PLCB1: variants seen among roughly 807,000 people sequenced by gnomAD.
PLCB1 encodes the protein 1-phosphatidylinositol 4,5-bisphosphate phosphodiesterase beta-1.
Under a neutral mutation model 161.8 loss-of-function variants are expected in PLCB1, and 46 were observed. The ratio of observed to expected loss-of-function variants is 0.28; its 90% CI spans 0.22 to 0.36. The LOEUF (loss-of-function observed/expected upper bound fraction) is 0.36, where lower values mean the gene tolerates loss of function less well. Ranked by LOEUF, PLCB1 falls within the 10% of genes least tolerant of loss-of-function variation. The probability of loss-of-function intolerance (pLI) is 1.00; values close to 1 mark genes in which losing one functional copy is unlikely to be tolerated. For missense variants in PLCB1, 1,016 were observed against 1,472.5 expected (o/e 0.69, Z 5.07); for synonymous variants, 517 against 503.7 (o/e 1.03, Z -0.35).
chr20:8,864,049 T>C (rs1049721437), intron 31 of PLCB1, among the ~76,000 whole-genome samples: 1 of 152,250 alleles, frequency 6.6e-6, no homozygotes, highest in African/African-American at 2.4e-5. Context: ...GTTTTATTTT[T>C]CTTGGCATAC....
intron 6 of PLCB1, among the ~76,000 whole-genome samples, chr20:8,648,591 A>T (rs1989229443): frequency 1.3e-5 from 2 of 152,182 alleles, no homozygotes; most frequent in Admixed American, 1.3e-4. Context: ...TCTAGGTCAT[A>T]TCCAGCCAAA....
intron 3 of PLCB1, among the ~76,000 whole-genome samples, chr20:8,466,060 A>C (rs1167393243): frequency 6.9e-6 from 1 of 144,880 alleles, no homozygotes; most frequent in East Asian, 2.0e-4. Context: ...AATAGCAAAG[A>C]CTTGGAACCA....
At chr20:8,304,734 G>A (rs149697997) in intron 2 of PLCB1, among the ~76,000 whole-genome samples, 73 of 152,052 alleles carry the variant, frequency 4.8e-4, no homozygotes, top group Non-Finnish European at 6.8e-4. Flanking sequence ...CTTCCAGTGG[G>A]CCAGGCAGTG....
chr20:8,310,344 A>C (rs6055728), intron 2 of PLCB1, among the ~76,000 whole-genome samples: 3 of 152,200 alleles, frequency 2.0e-5, no homozygotes, highest in Admixed American at 2.0e-4. Context: ...ACAAAGTTGA[A>C]TGAAGTTCAA....
intron 3 of PLCB1, among the ~76,000 whole-genome samples, chr20:8,504,929 A>G (rs1263519924): frequency 6.6e-6 from 1 of 152,152 alleles, no homozygotes; most frequent in Non-Finnish European, 1.5e-5. Flanking sequence ...GTTCAGTGGA[A>G]CGACATTGGC....
chr20:8,781,761 C>T (rs976328896), intron 27 of PLCB1, among the ~76,000 whole-genome samples: 2 of 152,160 alleles, frequency 1.3e-5, no homozygotes, highest in African/African-American at 2.4e-5. Flanking sequence ...TCACGTCTGA[C>T]GTGGATGGCG....
chr20:8,142,056 A>C (rs942570971), intron 1 of PLCB1: 2 of 152,230 alleles, frequency 1.3e-5, no homozygotes, highest in Admixed American at 6.5e-5. Flanking sequence ...TTTATATTAC[A>C]ACTAGAGCAG....
At chr20:8,822,458 A>G (rs948673930) in intron 31 of PLCB1, among the ~76,000 whole-genome samples, 2 of 152,128 alleles carry the variant, frequency 1.3e-5, no homozygotes, top group African/African-American at 4.8e-5. Flanking sequence ...GAACCAAATG[A>G]TCTGGAAGCT....
intron 2 of PLCB1, among the ~76,000 whole-genome samples, chr20:8,331,069 G>C (rs756837627): frequency 1.3e-5 from 2 of 152,138 alleles, no homozygotes; most frequent in Non-Finnish European, 2.9e-5. Flanking sequence ...ACAGACTCAT[G>C]TGTACACACT....
intron 31 of PLCB1, among the ~76,000 whole-genome samples, chr20:8,798,181 C>T (rs1002902283): frequency 6.7e-5 from 10 of 148,822 alleles, no homozygotes; most frequent in Middle Eastern, 3.4e-3. Context: ...TGTGTGACAG[C>T]GCAAGACTCT....
chr20:8,538,660 C>G (rs1294331999), intron 3 of PLCB1, among the ~76,000 whole-genome samples: 1 of 152,032 alleles, frequency 6.6e-6, no homozygotes, highest in Non-Finnish European at 1.5e-5. Flanking sequence ...ATAAGGTACT[C>G]TTTTATGTCA....
chr20:8,836,902 T>C (rs1383160521), intron 31 of PLCB1, among the ~76,000 whole-genome samples: 1 of 152,108 alleles, frequency 6.6e-6, no homozygotes, highest in Admixed American at 6.5e-5. Context: ...AGGACTAAGA[T>C]CACTGAAAAT....
In PLCB1 at chr20:8,779,670, T is replaced by C. The variant is rs758043617; in HGVS notation, c.3111+4951T>C. Among the ~76,000 whole-genome samples, 41 of 152,182 alleles carry C rather than the reference T, an allele frequency of 2.7e-4. 1 individual carries two copies. Among genetic ancestry groups the C allele is most frequent in the Non-Finnish European group, 2.9e-5 (2 of 68,022 alleles). On this transcript the variant is annotated intron_variant, in intron 27 of 31. Transcript: ENST00000338037. ...CAGGCCCCACTTCAGACCTGCTAAG[T>C]CAAAATTTGCATTTTAATAGGATTC...
At chr20:8,559,994 G>A (rs935977253) in intron 3 of PLCB1, among the ~76,000 whole-genome samples, 3 of 151,910 alleles carry the variant, frequency 2.0e-5, no homozygotes, top group African/African-American at 7.2e-5. Flanking sequence ...CCTGTGCTAA[G>A]TTCTGGAGAT....
At chr20:8,834,713 G>A (rs1448934352) in intron 31 of PLCB1, among the ~76,000 whole-genome samples, 1 of 151,096 alleles carries the variant, frequency 6.6e-6, no homozygotes, top group African/African-American at 2.4e-5. Flanking sequence ...TACTCGGGAG[G>A]CTGAGACAGG....
In PLCB1 at chr20:8,132,315, G is replaced by A. The variant is rs2051298467; in HGVS notation, c.-337G>A. 3 of 201,946 alleles carry A rather than the reference G, an allele frequency of 1.5e-5. No individual in the cohort carries two copies. The East Asian group carries it at 3.4e-4, about 23-fold the overall frequency. 12.5% of individuals were successfully genotyped at this position (201,946 alleles called of 1,614,324 possible). A position where few individuals can be genotyped will look rare whatever the true frequency, so the allele number is the denominator to read the frequency against. Reference sequence around the variant, plus strand: ...GAGGATGTGCTGAATGGTGCGCTTTGAGGCGGCGGCGGCGGAGGAGCAGAA... The same window carrying A: ...GAGGATGTGCTGAATGGTGCGCTTTAAGGCGGCGGCGGCGGAGGAGCAGAA... On this transcript the variant is annotated 5_prime_UTR_variant, in exon 1 of 32. Transcript: ENST00000338037. This position sits in a 1 kb window ranked among gnomAD's most constrained non-coding sequence, Gnocchi z 5.2.
chr20:8,186,883 T>A (rs1481370867), intron 2 of PLCB1, among the ~76,000 whole-genome samples: 1 of 152,106 alleles, frequency 6.6e-6, no homozygotes, highest in Non-Finnish European at 1.5e-5. Context: ...AAGTTCACAG[T>A]TAGAGGAGTC....
At chr20:8,194,047 T>C (rs2051998437) in intron 2 of PLCB1, among the ~76,000 whole-genome samples, 1 of 152,006 alleles carries the variant, frequency 6.6e-6, no homozygotes, top group Admixed American at 6.6e-5. Context: ...TCCCGGGTGA[T>C]ACTATGGTGC....
intron 5 of PLCB1, 91 bp from the exon 6 acceptor site, chr20:8,647,809 A>T: frequency 1.0e-6 from 1 of 959,298 alleles, no homozygotes; most frequent in Middle Eastern, 2.8e-4. Flanking sequence ...AAATGTACAA[A>T]GGCATGGGCT....
Sources: gnomAD v4.1 joint callset for allele counts (sites outside exome capture counted in the v4.1 genomes callset) on GRCh38, gnomAD v4.1.1 for gene constraint, Gnocchi (gnomAD v3.1) non-coding constraint, MANE v1.5 for transcripts, NCBI Gene and HGNC (gene_info 2026-07-23, HGNC 2026-07-21) for gene names.